The following GRIK3 variants were observed in gnomAD, a reference collection of about 807,000 sequenced individuals.
GRIK3 encodes the protein glutamate ionotropic receptor kainate type subunit 3.
A neutral mutation model predicts 102.5 loss-of-function variants in GRIK3; 29 were observed. The observed-to-expected ratio is 0.28, with a 90% confidence interval of 0.21 to 0.39. The LOEUF is 0.39. Ranked by LOEUF, GRIK3 falls within the 10% of genes least tolerant of loss-of-function variation. GRIK3 has a pLI of 1.00. For synonymous variants in GRIK3, 511 were observed against 504.9 expected (o/e 1.01, Z -0.16); for missense variants, 908 against 1,252.4 (o/e 0.73, Z 4.15).
chr1:36,893,686 A>G (rs970395918), intron 1 of GRIK3, among the ~76,000 whole-genome samples: 6 of 152,244 alleles, frequency 3.9e-5, no homozygotes, highest in African/African-American at 1.4e-4. Flanking sequence ...CGGGAATTTG[A>G]TATCTAGAAA....
chr1:36,941,783 A>G (rs918412061), intron 1 of GRIK3, among the ~76,000 whole-genome samples: 3 of 152,226 alleles, frequency 2.0e-5, no homozygotes, highest in African/African-American at 7.2e-5. Flanking sequence ...ACTGAGATGC[A>G]TCCATTGATT....
At chr1:36,900,803 C>T (rs1472586233) in intron 1 of GRIK3, among the ~76,000 whole-genome samples, 1 of 152,068 alleles carries the variant, frequency 6.6e-6, no homozygotes, top group African/African-American at 2.4e-5. Context: ...TGATAGGCCT[C>T]TAATTTGGCC....
At chr1:36,835,661 C>T (rs1570751301) in intron 10 of GRIK3, among the ~76,000 whole-genome samples, 2 of 152,302 alleles carry the variant, frequency 1.3e-5, no homozygotes, top group East Asian at 1.9e-4. Context: ...AATAAACTTT[C>T]GTGCAATTGA....
intron 2 of GRIK3, among the ~76,000 whole-genome samples, chr1:36,888,821 G>A (rs776275970): frequency 1.1e-4 from 17 of 152,058 alleles, no homozygotes; most frequent in Non-Finnish European, 2.2e-4. Context: ...CTTCCTGCTT[G>A]TACCACAACA....
intron 1 of GRIK3, among the ~76,000 whole-genome samples, chr1:36,980,209 G>A (rs1035811913): frequency 2.6e-5 from 4 of 152,148 alleles, no homozygotes; most frequent in Non-Finnish European, 4.4e-5. Flanking sequence ...CCATAACCCT[G>A]CTTAATGCCT....
intron 4 of GRIK3, among the ~76,000 whole-genome samples, chr1:36,870,163 T>C (rs1176821537): frequency 1.3e-5 from 2 of 152,142 alleles, no homozygotes; most frequent in African/African-American, 4.8e-5. Context: ...GAGGCTGTCT[T>C]CTCAAGTGCC....
At chr1:36,874,008 C>T (rs1371381949) in intron 3 of GRIK3, among the ~76,000 whole-genome samples, 1 of 152,224 alleles carries the variant, frequency 6.6e-6, no homozygotes, top group African/African-American at 2.4e-5. Context: ...CAAATGGTGC[C>T]TGAAGCTAAA....
intron 2 of GRIK3, among the ~76,000 whole-genome samples, chr1:36,890,654 C>T (rs1189741935): frequency 1.3e-5 from 2 of 152,100 alleles, no homozygotes; most frequent in Non-Finnish European, 2.9e-5. Context: ...TACGTGCCAG[C>T]GCTTACTATT....
chr1:36,970,381 G>A (rs751780348), intron 1 of GRIK3, among the ~76,000 whole-genome samples: 11 of 152,082 alleles, frequency 7.2e-5, no homozygotes, highest in African/African-American at 2.2e-4. Context: ...TCGGAGGTCC[G>A]CATATACTGA....
rs1276208235 is a variant in GRIK3, at chr1:36,797,628, G to A, written c.*4223C>T. The A allele has an allele frequency of 6.6e-6, 1 of 152,304 alleles. No homozygotes were observed. Among genetic ancestry groups the A allele is most frequent in the East Asian group, 1.9e-4 (1 of 5,196 alleles). 9.4% of individuals were successfully genotyped at this position (152,304 alleles called of 1,614,324 possible). Reference sequence around the variant, plus strand: ...CCATCCCAGATGATAAGTCCATGCAGCTGTTTGTCCAAACCTCTAGCCCCT... The same window carrying A: ...CCATCCCAGATGATAAGTCCATGCAACTGTTTGTCCAAACCTCTAGCCCCT... On this transcript the variant is annotated 3_prime_UTR_variant, in exon 16 of 16. Coordinates refer to ENST00000373091, the MANE Select transcript of GRIK3 (RefSeq NM_000831.4).
At chr1:36,917,081 A>G (rs762813495) in intron 1 of GRIK3, among the ~76,000 whole-genome samples, 1 of 152,178 alleles carries the variant, frequency 6.6e-6, no homozygotes, top group Non-Finnish European at 1.5e-5. Context: ...TACCTCTTGC[A>G]TCAGTGTGAT....
chr1:36,833,651 T>G (rs898829803), intron 10 of GRIK3, among the ~76,000 whole-genome samples: 1 of 152,248 alleles, frequency 6.6e-6, no homozygotes, highest in Non-Finnish European at 1.5e-5. Flanking sequence ...CAAGGTCTAG[T>G]TCCTAGTTGG....
intron 1 of GRIK3, among the ~76,000 whole-genome samples, chr1:36,966,379 C>T (rs1040723473): frequency 4.6e-5 from 7 of 152,310 alleles, no homozygotes; most frequent in South Asian, 2.1e-4. Flanking sequence ...GGGCCTTGGA[C>T]GTTCATCAGA....
chr1:36,883,327 G>A (rs1473858468), intron 2 of GRIK3, among the ~76,000 whole-genome samples: 1 of 152,190 alleles, frequency 6.6e-6, no homozygotes, highest in East Asian at 1.9e-4. Flanking sequence ...CATGGGGAGA[G>A]GTAGCACCAG....
At chr1:36,869,632 C>G in intron 5 of GRIK3, 116 bp downstream of exon 5, 1 of 811,674 alleles carries the variant, frequency 1.2e-6, no homozygotes, top group Non-Finnish European at 2.2e-6. Flanking sequence ...GCCACCCCTA[C>G]AGCCTGAGGA....
rs757035468 is a variant in GRIK3, at chr1:36,801,841, C to G, written c.*10G>C. On this transcript the variant is annotated 3_prime_UTR_variant, in exon 16 of 16. Coordinates refer to ENST00000373091, the MANE Select transcript of GRIK3 (RefSeq NM_000831.4). Reference sequence around the variant, plus strand: ...AGCCCCCAGGCCTGAGGTCCCCACCCCAGCTGTGCCTAGGGGAACACAGGG... The same window carrying G: ...AGCCCCCAGGCCTGAGGTCCCCACCGCAGCTGTGCCTAGGGGAACACAGGG... The G allele has an allele frequency of 3.1e-6, 5 of 1,588,114 alleles. No individual in the cohort carries two copies. Among genetic ancestry groups the G allele is most frequent in the South Asian group, 2.3e-5 (2 of 86,508 alleles).
intron 1 of GRIK3, among the ~76,000 whole-genome samples, chr1:36,942,187 C>CAGCA (rs1256538817): frequency 6.6e-6 from 1 of 152,220 alleles, no homozygotes; most frequent in Non-Finnish European, 1.5e-5. Flanking sequence ...CCTGCAGTTG[C>CAGCA]AGCAGCACAC....
At chr1:37,016,474 C>A (rs894966781) in intron 1 of GRIK3, among the ~76,000 whole-genome samples, 9 of 152,154 alleles carry the variant, frequency 5.9e-5, no homozygotes, top group African/African-American at 1.9e-4. Context: ...TTGCTCTTTG[C>A]CCATGTGGTA....
Position 36,930,562 on chromosome 1 carries a change from T to C in GRIK3, c.116-39466A>G, listed in dbSNP as rs1010015935. Among the ~76,000 whole-genome samples the C allele has an allele frequency of 3.3e-5, 5 of 152,194 alleles. No individual in the cohort carries two copies. In the East Asian group the frequency reaches 9.6e-4, roughly 29 times the overall value. ...TTCTTGTGCTCTGGTCCATCACACATGCCTGATGAGACATGAATGTAAGTC... is the reference window on the plus strand; with the variant it reads ...TTCTTGTGCTCTGGTCCATCACACACGCCTGATGAGACATGAATGTAAGTC... On this transcript the variant is annotated intron_variant, in intron 1 of 15. Coordinates refer to ENST00000373091, the MANE Select transcript of GRIK3 (RefSeq NM_000831.4).
Sources: gnomAD v4.1 joint callset for allele counts (sites outside exome capture counted in the v4.1 genomes callset) on GRCh38, gnomAD v4.1.1 for gene constraint, MANE v1.5 for transcripts, NCBI Gene and HGNC (gene_info 2026-07-23, HGNC 2026-07-21) for gene names.